Variants in RBMS3 observed in about 807,000 individuals in gnomAD.
RBMS3 encodes the protein RNA-binding motif, single-stranded-interacting protein 3.
A neutral mutation model predicts 66.8 loss-of-function variants in RBMS3; 27 were observed. The ratio of observed to expected loss-of-function variants is 0.40; its 90% CI spans 0.30 to 0.56. The LOEUF (loss-of-function observed/expected upper bound fraction) is 0.56, where lower values mean the gene tolerates loss of function less well. RBMS3 is among the 20% of genes least tolerant of loss of function. The pLI is 0.40. For missense variants in RBMS3, 513 were observed against 549.5 expected, an observed-to-expected ratio of 0.93 and a Z score of 0.66; for synonymous variants, 188 against 183.0, an observed-to-expected ratio of 1.03 and a Z score of -0.22.
chr3:29,544,298 C>T (rs1458478217), intron 3 of RBMS3, among the ~76,000 whole-genome samples: 1 of 152,082 alleles, frequency 6.6e-6, no homozygotes, highest in Non-Finnish European at 1.5e-5. Context: ...AAAATAATAT[C>T]TTAGAAATTA....
intron 5 of RBMS3, among the ~76,000 whole-genome samples, chr3:29,750,073 C>T (rs1359105547): frequency 7.2e-5 from 11 of 152,052 alleles, no homozygotes; most frequent in Non-Finnish European, 1.3e-4. Context: ...AGTAATGTTG[C>T]AAACAAAAAA....
chr3:29,987,045 T>C (rs2149792977), intron 12 of RBMS3, among the ~76,000 whole-genome samples: 1 of 152,336 alleles, frequency 6.6e-6, no homozygotes, highest in African/African-American at 2.4e-5. Flanking sequence ...ATACTGAATA[T>C]ACTAAGATAC....
At chr3:29,673,119 A>G (rs2051078286) in intron 4 of RBMS3, among the ~76,000 whole-genome samples, 1 of 152,224 alleles carries the variant, frequency 6.6e-6, no homozygotes, top group Non-Finnish European at 1.5e-5. Context: ...AACTCCATGG[A>G]AACTGAACAA....
At chr3:29,400,026 T>G (rs897851486) in intron 1 of RBMS3, among the ~76,000 whole-genome samples, 1 of 152,004 alleles carries the variant, frequency 6.6e-6, no homozygotes, top group East Asian at 1.9e-4. Context: ...GGTAAAGGTG[T>G]TGTAGATGCA....
At chr3:29,913,738 C>A (rs928304248) in intron 10 of RBMS3, among the ~76,000 whole-genome samples, 2 of 151,886 alleles carry the variant, frequency 1.3e-5, no homozygotes, top group Admixed American at 6.6e-5. Flanking sequence ...CACATTAGAA[C>A]CATTTCTGCA....
intron 1 of RBMS3, among the ~76,000 whole-genome samples, chr3:29,336,988 G>A (rs538594560): frequency 9.2e-5 from 14 of 151,768 alleles, no homozygotes; most frequent in Admixed American, 8.5e-4. Context: ...AATCTGAAAC[G>A]GTTTTTTAAA....
chr3:29,891,390 G>T (rs901534641), intron 8 of RBMS3, among the ~76,000 whole-genome samples: 1 of 151,592 alleles, frequency 6.6e-6, no homozygotes, highest in African/African-American at 2.4e-5. Flanking sequence ...GTAGAGAGAA[G>T]AAGCATCTGT....
intron 14 of RBMS3, among the ~76,000 whole-genome samples, chr3:29,994,122 G>A (rs917015602): frequency 1.4e-4 from 21 of 152,342 alleles, no homozygotes; most frequent in African/African-American, 3.8e-4. Flanking sequence ...CTTGGGAAGC[G>A]CAAGGGGTCA....
At chr3:29,429,895 G>T (rs2041113078) in intron 1 of RBMS3, among the ~76,000 whole-genome samples, 1 of 152,110 alleles carries the variant, frequency 6.6e-6, no homozygotes, top group Non-Finnish European at 1.5e-5. Context: ...TAAAGGGGCT[G>T]CTGTGACCCA....
chr3:29,732,282 C>A (rs1266042075), intron 4 of RBMS3, among the ~76,000 whole-genome samples: 1 of 152,174 alleles, frequency 6.6e-6, no homozygotes, highest in East Asian at 1.9e-4. Context: ...AGCTCAAAGG[C>A]AGTCAGACGG....
intron 7 of RBMS3, 130 bp from the exon 8 acceptor site, chr3:29,884,032 G>T: frequency 1.3e-6 from 1 of 754,324 alleles, no homozygotes; most frequent in South Asian, 1.8e-5. Context: ...TAAGCATAGA[G>T]ATATACATAG....
chr3:29,988,441 G>A (rs753569698), intron 13 of RBMS3, among the ~76,000 whole-genome samples: 18 of 152,156 alleles, frequency 1.2e-4, no homozygotes, highest in African/African-American at 1.7e-4. Flanking sequence ...GAGGCACGAC[G>A]GGAGTCTCTT....
chr3:29,454,018 C>A (rs1359869362), intron 2 of RBMS3, among the ~76,000 whole-genome samples: 1 of 152,190 alleles, frequency 6.6e-6, no homozygotes. Context: ...TGATCACAGT[C>A]TTAAGTAAAT....
chr3:29,406,538 A>C (rs2040021537), intron 1 of RBMS3, among the ~76,000 whole-genome samples: 1 of 152,140 alleles, frequency 6.6e-6, no homozygotes, highest in South Asian at 2.1e-4. Context: ...CTGAATAATC[A>C]AGCCAAACAG....
chr3:29,422,249 AC>A (rs1257945850), intron 1 of RBMS3, among the ~76,000 whole-genome samples: 1 of 152,188 alleles, frequency 6.6e-6, no homozygotes, highest in African/African-American at 2.4e-5. Context: ...TGAAGAGTAT[AC>A]CAATCAAGGG....
intron 10 of RBMS3, among the ~76,000 whole-genome samples, chr3:29,901,582 A>G (rs753343580): frequency 2.9e-4 from 44 of 151,704 alleles, no homozygotes; most frequent in Admixed American, 6.6e-5. Context: ...ACCCCAGTAC[A>G]GCTTCAGCCT....
chr3:29,906,369 C>G (rs570089245), intron 10 of RBMS3, among the ~76,000 whole-genome samples: 1 of 152,122 alleles, frequency 6.6e-6, no homozygotes, highest in East Asian at 1.9e-4. Context: ...AAGACATCAC[C>G]TGGCAAGAAG....
intron 6 of RBMS3, among the ~76,000 whole-genome samples, chr3:29,866,077 T>TAA (rs35591949): frequency 0.03 from 3,146 of 105,502 alleles, 79 homozygotes; most frequent in African/African-American, 0.045. Context: ...CACCAAATAC[T>TAA]AAAAAAAAAA....
intron 4 of RBMS3, chr3:29,730,972 G>A: frequency 1.0e-6 from 1 of 985,370 alleles, no homozygotes; most frequent in Non-Finnish European, 1.2e-6. Context: ...ATCAAGGAAA[G>A]CCAGAGATCC....
Sources: gnomAD v4.1 joint callset for allele counts (sites outside exome capture counted in the v4.1 genomes callset) on GRCh38, gnomAD v4.1.1 for gene constraint, MANE v1.5 for transcripts, NCBI Gene and HGNC (gene_info 2026-07-23, HGNC 2026-07-21) for gene names.